Variants in B3GALT1 observed in about 807,000 individuals in gnomAD.
B3GALT1 encodes the protein beta-1,3-galactosyltransferase 1, also known as UDP-Gal:betaGlcNAc beta 1,3-galactosyltransferase, polypeptide 1.
A neutral mutation model predicts 23.2 loss-of-function variants in B3GALT1; 10 were observed. The observed-to-expected ratio is 0.43, with a 90% confidence interval of 0.27 to 0.73. The LOEUF (loss-of-function observed/expected upper bound fraction) is 0.73, where lower values mean the gene tolerates loss of function less well. Ranked by LOEUF, B3GALT1 falls within the 30% of genes least tolerant of loss-of-function variation. The pLI is 0.21. For synonymous variants in B3GALT1, 156 were observed against 141.5 expected, an observed-to-expected ratio of 1.10 and a Z score of -0.73; for missense variants, 299 against 405.4, an observed-to-expected ratio of 0.74 and a Z score of 2.25.
chr2:167,590,956 T>G (rs1016881125), intron 2 of B3GALT1, among the ~76,000 whole-genome samples: 1 of 152,178 alleles, frequency 6.6e-6, no homozygotes, highest in Non-Finnish European at 1.5e-5. Flanking sequence ...TATTCATTCA[T>G]TTTTTATGCA....
chr2:167,656,555 A>G (rs576200220), intron 3 of B3GALT1, among the ~76,000 whole-genome samples: 4 of 152,290 alleles, frequency 2.6e-5, no homozygotes, highest in African/African-American at 9.6e-5. Context: ...CTATGATATT[A>G]AGGAAGAAGA....
intron 1 of B3GALT1, among the ~76,000 whole-genome samples, chr2:167,484,860 A>G (rs891224283): frequency 6.6e-6 from 1 of 152,206 alleles, no homozygotes; most frequent in African/African-American, 2.4e-5. Context: ...ATTTCAAAAT[A>G]TGTCCAAGAA....
At chr2:167,587,914 A>T (rs892152622) in intron 2 of B3GALT1, among the ~76,000 whole-genome samples, 4 of 152,226 alleles carry the variant, frequency 2.6e-5, no homozygotes, top group Admixed American at 1.3e-4. Flanking sequence ...GTCCTTTAGA[A>T]ACAGAATTCA....
intron 2 of B3GALT1, among the ~76,000 whole-genome samples, chr2:167,645,659 C>A (rs922291502): frequency 6.7e-6 from 1 of 148,820 alleles, no homozygotes; most frequent in Admixed American, 6.8e-5. Flanking sequence ...CCTCTGCCTC[C>A]CAGGTTCAAG....
chr2:167,567,773 A>C (rs1196230612), intron 2 of B3GALT1, among the ~76,000 whole-genome samples: 1 of 152,006 alleles, frequency 6.6e-6, no homozygotes, highest in Non-Finnish European at 1.5e-5. Flanking sequence ...ATTAGGATTC[A>C]CTCTTGGTGT....
chr2:167,849,918 C>G (rs892648918), intron 4 of B3GALT1, among the ~76,000 whole-genome samples: 1 of 149,780 alleles, frequency 6.7e-6, no homozygotes, highest in African/African-American at 2.4e-5. Context: ...GGACTTAAAC[C>G]TAAGACCTGA....
rs1690373652 is a variant in B3GALT1 at position 167,872,542 on chromosome 2, G to A, written c.*2522G>A. 6.6e-6 allele frequency: 1 copy of A among 152,188 alleles called. No individual in the cohort carries two copies. Among genetic ancestry groups the A allele is most frequent in the Non-Finnish European group, 1.5e-5 (1 of 68,042 alleles). 9.4% of individuals were successfully genotyped at this position (152,188 alleles called of 1,614,324 possible). On this transcript the variant is annotated 3_prime_UTR_variant, in exon 5 of 5. Coordinates refer to ENST00000392690, the MANE Select transcript of B3GALT1 (RefSeq NM_020981.4). ...ACGACTTCTTACTTGGTTTACCTTC[G>A]AGTTGTGCAGCTGAATCAAGCCTCT... is the stretch of plus-strand genomic sequence containing the variant.
intron 3 of B3GALT1, among the ~76,000 whole-genome samples, chr2:167,786,938 G>GTTGGT (rs1270696930): frequency 6.6e-6 from 1 of 152,082 alleles, no homozygotes. Flanking sequence ...TTGTTTGTTT[G>GTTGGT]TTGGTTTGGT....
chr2:167,404,697 C>G (rs1395053444), intron 1 of B3GALT1, among the ~76,000 whole-genome samples: 1 of 152,144 alleles, frequency 6.6e-6, no homozygotes, highest in Non-Finnish European at 1.5e-5. Context: ...TTGAAGACAT[C>G]TCTATTAACA....
intron 4 of B3GALT1, among the ~76,000 whole-genome samples, chr2:167,834,592 T>A (rs930072352): frequency 3.3e-5 from 5 of 152,194 alleles, no homozygotes; most frequent in Non-Finnish European, 5.9e-5. Context: ...TAATAAAGTT[T>A]CTAGGCAGCA....
intron 3 of B3GALT1, among the ~76,000 whole-genome samples, chr2:167,710,482 G>A (rs898885845): frequency 5.3e-5 from 8 of 152,298 alleles, no homozygotes; most frequent in African/African-American, 1.2e-4. Context: ...GAAACTGCTC[G>A]GGAAGTTTCT....
intron 2 of B3GALT1, among the ~76,000 whole-genome samples, chr2:167,493,099 A>G (rs1699734320): frequency 6.6e-6 from 1 of 152,202 alleles, no homozygotes; most frequent in Non-Finnish European, 1.5e-5. Context: ...CTACAGTGTT[A>G]CATATGAGGC....
intron 1 of B3GALT1, among the ~76,000 whole-genome samples, chr2:167,425,116 T>A (rs573299080): frequency 1.3e-5 from 2 of 152,350 alleles, no homozygotes; most frequent in East Asian, 3.9e-4. Flanking sequence ...TTTGTGACTG[T>A]AAACAGTGCT....
intron 3 of B3GALT1, among the ~76,000 whole-genome samples, chr2:167,696,972 A>G (rs369683401): frequency 1.2e-4 from 18 of 152,176 alleles, no homozygotes; most frequent in Admixed American, 3.3e-4. Flanking sequence ...GTGAAGGCAC[A>G]TAAATTACTT....
intron 3 of B3GALT1, among the ~76,000 whole-genome samples, chr2:167,686,302 T>C (rs1009645077): frequency 1.3e-5 from 2 of 152,224 alleles, no homozygotes; most frequent in African/African-American, 4.8e-5. Context: ...ATAACATATT[T>C]AGAACCTGAT....
chr2:167,613,336 T>C (rs1685103342), intron 2 of B3GALT1, among the ~76,000 whole-genome samples: 1 of 151,966 alleles, frequency 6.6e-6, no homozygotes, highest in East Asian at 1.9e-4. Context: ...TAGTATAATA[T>C]ATTGGAGGCT....
At chr2:167,322,564 A>G (rs578014036) in intron 1 of B3GALT1, among the ~76,000 whole-genome samples, 25 of 152,010 alleles carry the variant, frequency 1.6e-4, no homozygotes, top group Non-Finnish European at 2.5e-4. Context: ...AACGACATTT[A>G]GTAAAATTAA....
At chr2:167,450,748 A>G (rs1167503791) in intron 1 of B3GALT1, among the ~76,000 whole-genome samples, 1 of 152,160 alleles carries the variant, frequency 6.6e-6, no homozygotes, top group Non-Finnish European at 1.5e-5. Context: ...TTCTCTACCA[A>G]GGCCAGGGAA....
chr2:167,854,304 T>C (rs924909574), intron 4 of B3GALT1, among the ~76,000 whole-genome samples: 1 of 152,158 alleles, frequency 6.6e-6, no homozygotes, highest in Admixed American at 6.5e-5. Context: ...AGAAAGGGAC[T>C]TATCAAATAA....
Sources: allele counts gnomAD v4.1 joint callset (sites outside exome capture counted in the v4.1 genomes callset), GRCh38; gene constraint gnomAD v4.1.1; transcripts MANE v1.5; gene names NCBI Gene and HGNC (gene_info 2026-07-23, HGNC 2026-07-21).